Variants in BSPRY observed in about 807,000 individuals in gnomAD.
BSPRY encodes the protein B-box and SPRY domain containing, also known as B box and SPRY domain-containing protein.
In BSPRY, 33 loss-of-function variants were observed where a neutral mutation model predicts 38.0. The ratio of observed to expected loss-of-function variants is 0.87; its 90% CI spans 0.66 to 1.16. The LOEUF (loss-of-function observed/expected upper bound fraction) is 1.16. BSPRY is among the 50% of genes most tolerant of loss of function. The pLI is 0.00. For missense variants in BSPRY, 523 were observed against 533.2 expected, an observed-to-expected ratio of 0.98 and a Z score of 0.19; for synonymous variants, 224 against 228.5, an observed-to-expected ratio of 0.98 and a Z score of 0.18.
intron 1 of BSPRY, among the ~76,000 whole-genome samples, chr9:113,353,103 G>A (rs1588060504): frequency 1.3e-5 from 2 of 152,290 alleles, no homozygotes; most frequent in East Asian, 3.9e-4. Context: ...TGGTTATAAC[G>A]GGCTGAGCGT....
At chr9:113,369,561 G>T in intron 5 of BSPRY, 55 bp from the exon 6 acceptor site, 1 of 1,527,770 alleles carries the variant, frequency 6.5e-7, no homozygotes, top group South Asian at 1.3e-5. Flanking sequence ...TACCTGGCAG[G>T]ACCAGGTTAG....
intron 2 of BSPRY, among the ~76,000 whole-genome samples, chr9:113,360,024 C>T (rs1834122640): frequency 6.6e-6 from 1 of 152,188 alleles, no homozygotes; most frequent in South Asian, 2.1e-4. Context: ...AATTCTACCA[C>T]ATAACCAGTT....
intron 4 of BSPRY, among the ~76,000 whole-genome samples, chr9:113,365,244 A>C (rs1347221818): frequency 6.6e-6 from 1 of 152,076 alleles, no homozygotes; most frequent in Non-Finnish European, 1.5e-5. Flanking sequence ...CTTTCTGCAT[A>C]TATATCCTGT....
chr9:113,351,804 CTTATA>C (rs889379715), intron 1 of BSPRY, among the ~76,000 whole-genome samples: 2 of 151,584 alleles, frequency 1.3e-5, no homozygotes, highest in African/African-American at 4.9e-5. Context: ...AATTTATTTA[CTTATA>C]TTTATTTATT....
At chr9:113,354,171 A>T in intron 1 of BSPRY, 69 bp from the exon 2 acceptor site, 1 of 1,336,108 alleles carries the variant, frequency 7.5e-7, no homozygotes, top group South Asian at 1.2e-5. Context: ...AACAGGAGAA[A>T]ATCACTGGGA....
At chr9:113,361,820 A>G (rs1422320497) in intron 3 of BSPRY, among the ~76,000 whole-genome samples, 4 of 152,196 alleles carry the variant, frequency 2.6e-5, no homozygotes, top group Non-Finnish European at 5.9e-5. Context: ...TTTTATATAG[A>G]TAGGCAGCTG....
At chr9:113,368,425 T>TTG (rs1554735620) in intron 5 of BSPRY, 42 bp downstream of exon 5, 11 of 1,599,860 alleles carry the variant, frequency 6.9e-6, no homozygotes, top group Non-Finnish European at 9.4e-6. Flanking sequence ...ACAACTGGGC[T>TTG]TCTGTCTGTC....
At chr9:113,356,875 A>G (rs1369810983) in intron 2 of BSPRY, among the ~76,000 whole-genome samples, 1 of 152,198 alleles carries the variant, frequency 6.6e-6, no homozygotes, top group Non-Finnish European at 1.5e-5. Flanking sequence ...GAGAGCAGGC[A>G]TGCTAAGTTG....
chr9:113,353,083 C>T (rs962298954), intron 1 of BSPRY, among the ~76,000 whole-genome samples: 4 of 152,070 alleles, frequency 2.6e-5, no homozygotes, highest in Non-Finnish European at 5.9e-5. Context: ...AGAGTGTGTG[C>T]GCCAGAAAGT....
At chr9:113,359,964 C>T (rs1465856208) in intron 2 of BSPRY, among the ~76,000 whole-genome samples, 1 of 152,164 alleles carries the variant, frequency 6.6e-6, no homozygotes, top group Non-Finnish European at 1.5e-5. Context: ...CAAGAAGACA[C>T]CTGTTAATTG....
rs1404254559 is a variant in BSPRY at position 113,370,073 on chromosome 9, T to C, written c.1140T>C (p.His380=). 2 of 1,612,448 alleles carry C rather than the reference T, an allele frequency of 1.2e-6. No individual in the cohort carries two copies. The highest frequency in any genetic ancestry group is 3.4e-5 in the Admixed American group (2 of 59,676). Residue 380 remains histidine, a synonymous_variant, in exon 6 of 6, where the codon CAT becomes CAC. Transcript: ENST00000374183. The surrounding 1 kb of genome is among the most constrained non-coding windows in gnomAD (Gnocchi z 4.8). ...PASGTVLCAH[H]VSFPGPLFPV... is the part of the protein sequence containing the mutation. ...CCGGCACAGTGCTCTGTGCCCATCA[T>C]GTGTCCTTCCCGGGGCCCCTCTTCC... is the stretch of plus-strand genomic sequence containing the variant.
Position 113,349,701 on chromosome 9 carries a change from G to A in BSPRY, c.122G>A (p.Cys41Tyr). ...WFCGSERRPV[C>Y]AACAGLGGRC... ...TGCGGCTCCGAGCGACGGCCCGTGTGCGCCGCCTGCGCGGGGTTGGGCGGT... is the reference window on the plus strand; with the variant it reads ...TGCGGCTCCGAGCGACGGCCCGTGTACGCCGCCTGCGCGGGGTTGGGCGGT... The change falls in exon 1 of 6, where the codon TGC (cysteine) becomes TAC (tyrosine). Residue 41 changes from cysteine (C) to tyrosine (Y), a missense_variant. Coordinates refer to ENST00000374183, the MANE Select transcript of BSPRY (RefSeq NM_017688.3). 1 of 1,238,070 alleles carries A rather than the reference G, an allele frequency of 8.1e-7. No individual in the cohort carries two copies. Among genetic ancestry groups the A allele is most frequent in the African/African-American group, 1.6e-5 (1 of 63,956 alleles). The allele number at this position is 1,238,070 out of a possible 1,614,324, so 76.7% of individuals were successfully genotyped here. A position where few individuals can be genotyped will look rare whatever the true frequency, so the allele number is the denominator to read the frequency against.
Position 113,369,797 on chromosome 9 carries a change from G to T in BSPRY, c.864G>T (p.Trp288Cys), listed in dbSNP as rs777183976. The T allele has an allele frequency of 5.0e-6, 8 of 1,614,140 alleles. No individual in the cohort carries two copies. In the East Asian group the frequency reaches 1.8e-4, roughly 36 times the overall value. Residue 288 changes from tryptophan to cysteine, a missense_variant, in exon 6 of 6, where the codon TGG (tryptophan) becomes TGT (cysteine). Coordinates refer to ENST00000374183, the MANE Select transcript of BSPRY (RefSeq NM_017688.3). ...ATSFQNGLHAWMVNVQNSCAY... is the reference protein window; with the variant it reads ...ATSFQNGLHACMVNVQNSCAY... The stretch of plus-strand genomic sequence containing the variant: ...CCTTCCAGAATGGGCTCCATGCCTG[G>T]ATGGTGAATGTCCAGAACAGTTGTG...
intron 1 of BSPRY, among the ~76,000 whole-genome samples, chr9:113,351,238 C>T (rs760654044): frequency 1.3e-5 from 2 of 152,146 alleles, no homozygotes; most frequent in South Asian, 4.2e-4. Flanking sequence ...CCTCTGAGGC[C>T]GTATGCATAT....
At chr9:113,361,121 C>T (rs1208073091) in intron 3 of BSPRY, among the ~76,000 whole-genome samples, 1 of 152,092 alleles carries the variant, frequency 6.6e-6, no homozygotes, top group Non-Finnish European at 1.5e-5. Flanking sequence ...ATCCCCCTTA[C>T]CCCCAATGTT....
intron 2 of BSPRY, 104 bp downstream of exon 2, chr9:113,354,442 T>C (rs575842489): frequency 4.8e-6 from 4 of 825,584 alleles, no homozygotes; most frequent in East Asian, 2.6e-5. Flanking sequence ...CACAGACTCA[T>C]TGTGCTACTA....
intron 3 of BSPRY, among the ~76,000 whole-genome samples, chr9:113,361,887 G>A (rs1276541349): frequency 6.6e-6 from 1 of 152,350 alleles, no homozygotes; most frequent in East Asian, 1.9e-4. Flanking sequence ...GAAAGAGAAT[G>A]TGGAACACCT....
rs1438622883 is a variant in BSPRY, at chr9:113,354,268, T to C, written c.230T>C (p.Leu77Pro). 4 of 1,614,186 alleles carry C rather than the reference T, an allele frequency of 2.5e-6. No individual in the cohort carries two copies. Among genetic ancestry groups the C allele is most frequent in the Non-Finnish European group, 3.4e-6 (4 of 1,180,018 alleles). ...AAGATTGTGGACCAGTGTGAGAGGC[T>C]GCAGTTACAGAGTGCTGCCATCACC... ...RNKIVDQCER[L>P]QLQSAAITKY... The change falls in exon 2 of 6, where the codon CTG becomes CCG. Residue 77 changes from leucine to proline, a missense_variant. By Grantham distance (98) the Leu-to-Pro change is moderately conservative (BLOSUM62 -3). Transcript: ENST00000374183.
intron 4 of BSPRY, 74 bp downstream of exon 4, chr9:113,362,468 G>A: frequency 6.7e-7 from 1 of 1,487,216 alleles, no homozygotes. Context: ...ACTGCCTTCA[G>A]CCCTGCTGCT....
Sources: allele counts gnomAD v4.1 joint callset (sites outside exome capture counted in the v4.1 genomes callset), GRCh38; gene constraint gnomAD v4.1.1; non-coding constraint Gnocchi (gnomAD v3.1); transcripts MANE v1.5; gene names NCBI Gene and HGNC (gene_info 2026-07-23, HGNC 2026-07-21).